The following SYNDIG1 variants were observed in gnomAD, a reference collection of about 807,000 sequenced individuals.
The protein encoded by SYNDIG1 is synapse differentiation inducing 1.
A neutral mutation model predicts 19.4 loss-of-function variants in SYNDIG1; 9 were observed. That is an observed-to-expected ratio of 0.46 (90% confidence interval 0.28 to 0.81). The LOEUF is 0.81. Among genes scored for constraint, SYNDIG1 ranks in the 30% least tolerant of loss-of-function variants. The probability of loss-of-function intolerance (pLI) is 0.12; values close to 1 mark genes in which losing one functional copy is unlikely to be tolerated. For missense variants in SYNDIG1, 311 were observed against 343.3 expected (o/e 0.91, Z 0.74); for synonymous variants, 141 against 145.9 (o/e 0.97, Z 0.24).
At chr20:24,570,135 GTAGCAACACT>G (rs1219089755) in intron 2 of SYNDIG1, among the ~76,000 whole-genome samples, 1 of 152,194 alleles carries the variant, frequency 6.6e-6, no homozygotes. Context: ...GAACAAATGT[GTAGCAACACT>G]GCTCTGAAAA....
At chr20:24,530,672 C>G (rs968334210) in intron 1 of SYNDIG1, among the ~76,000 whole-genome samples, 60 of 152,142 alleles carry the variant, frequency 3.9e-4, no homozygotes. Context: ...ACCTGGTGCC[C>G]TCCTAATGCC....
intron 1 of SYNDIG1, among the ~76,000 whole-genome samples, chr20:24,482,390 T>A (rs77526596): frequency 0.024 from 3,699 of 152,232 alleles, 134 homozygotes; most frequent in African/African-American, 0.084. Context: ...CTTGTAATGA[T>A]GAAAATGCAC....
intron 2 of SYNDIG1, among the ~76,000 whole-genome samples, chr20:24,564,834 G>A (rs6106909): frequency 0.031 from 4,780 of 152,284 alleles, 176 homozygotes; most frequent in African/African-American, 0.09. Context: ...TGAGGAAAGA[G>A]GAAAGCTGCT....
At chr20:24,612,676 G>A (rs1216496636) in intron 3 of SYNDIG1, among the ~76,000 whole-genome samples, 1 of 152,208 alleles carries the variant, frequency 6.6e-6, no homozygotes, top group South Asian at 2.1e-4. Context: ...CTCAGTCCTA[G>A]CATAGAATTA....
At chr20:24,659,593 G>A (rs539670945) in intron 3 of SYNDIG1, among the ~76,000 whole-genome samples, 4 of 152,208 alleles carry the variant, frequency 2.6e-5, no homozygotes, top group Non-Finnish European at 4.4e-5. Flanking sequence ...GCTGTGGCCC[G>A]GAAGATGAAT....
At chr20:24,646,663 C>T (rs1314207607) in intron 3 of SYNDIG1, among the ~76,000 whole-genome samples, 3 of 151,992 alleles carry the variant, frequency 2.0e-5, no homozygotes, top group East Asian at 1.9e-4. Context: ...ACTCTGTCAC[C>T]GAGGCTGGAG....
intron 2 of SYNDIG1, among the ~76,000 whole-genome samples, chr20:24,571,714 T>C (rs2058147560): frequency 6.6e-6 from 1 of 152,224 alleles, no homozygotes; most frequent in Non-Finnish European, 1.5e-5. Context: ...ATAGCTAATG[T>C]CCAATTACCT....
chr20:24,494,611 A>AC (rs539308028), intron 1 of SYNDIG1, among the ~76,000 whole-genome samples: 16 of 151,466 alleles, frequency 1.1e-4, no homozygotes, highest in African/African-American at 2.9e-4. Context: ...CAGGGAACAG[A>AC]CCCCCCCGGG....
intron 1 of SYNDIG1, chr20:24,502,218 C>G (rs2056472454): frequency 6.6e-6 from 1 of 152,460 alleles, no homozygotes; most frequent in Admixed American, 6.5e-5. Flanking sequence ...CAAGTGCACT[C>G]AGATCCTCGT....
chr20:24,597,314 C>T (rs2058610754), intron 3 of SYNDIG1, among the ~76,000 whole-genome samples: 1 of 152,192 alleles, frequency 6.6e-6, no homozygotes, highest in South Asian at 2.1e-4. Flanking sequence ...TGTACTTTCC[C>T]TTGTTCCTGC....
Position 24,543,196 on chromosome 20 carries a change from C to G in SYNDIG1, c.99C>G (p.Ala33=), listed in dbSNP as rs200752294. 1.3e-5 allele frequency: 21 copies of G among 1,613,994 alleles called. No individual in the cohort carries two copies. Among genetic ancestry groups the G allele is most frequent in the Non-Finnish European group, 1.8e-5 (21 of 1,180,002 alleles). Residue 33 remains alanine (A), a synonymous_variant, in exon 2 of 4, where the codon GCC becomes GCG. Transcript: ENST00000376862. ...TAATTAACACCAGAAACTTGATGGC[C>G]GAGAGCAGAGATGGTCTGGTGTCTG... ...NGLINTRNLM[A]ESRDGLVSVY...
At chr20:24,656,899 G>T (rs1412098139) in intron 3 of SYNDIG1, among the ~76,000 whole-genome samples, 2 of 152,192 alleles carry the variant, frequency 1.3e-5, no homozygotes, top group African/African-American at 4.8e-5. Context: ...TGGGTCCTGC[G>T]GACGGATCCC....
chr20:24,630,983 G>A lies in SYNDIG1; in HGVS notation c.619-34363G>A, dbSNP rs147850460. 6.7e-3 allele frequency among the ~76,000 whole-genome samples: 1,023 copies of A among 152,362 alleles called. 8 individuals carry two copies. The highest frequency in any genetic ancestry group is 9.0e-3 in the Non-Finnish European group (611 of 68,038). ...TGGGTCTGAAAGATGAGCTGGCTTGGCTGCTGATGGAAATGAGGGAGAAGA... is the reference window on the plus strand; with the variant it reads ...TGGGTCTGAAAGATGAGCTGGCTTGACTGCTGATGGAAATGAGGGAGAAGA... On this transcript the variant is annotated intron_variant, in intron 3 of 3. Transcript: ENST00000376862.
intron 1 of SYNDIG1, among the ~76,000 whole-genome samples, chr20:24,494,620 G>A (rs1173579527): frequency 6.6e-6 from 1 of 152,208 alleles, no homozygotes; most frequent in Non-Finnish European, 1.5e-5. Flanking sequence ...GACCCCCCCG[G>A]GAGAGGTGCA....
chr20:24,624,475 G>A (rs1018514197), intron 3 of SYNDIG1, among the ~76,000 whole-genome samples: 2 of 152,122 alleles, frequency 1.3e-5, no homozygotes, highest in Non-Finnish European at 2.9e-5. Context: ...ATATGATGAA[G>A]GGTTCGATTA....
chr20:24,498,365 A>G (rs1368881947), intron 1 of SYNDIG1, among the ~76,000 whole-genome samples: 1 of 152,220 alleles, frequency 6.6e-6, no homozygotes, highest in Non-Finnish European at 1.5e-5. Flanking sequence ...TGTATATTAT[A>G]TAGTGTATAT....
intron 3 of SYNDIG1, among the ~76,000 whole-genome samples, chr20:24,626,587 C>T (rs1391310212): frequency 6.6e-6 from 1 of 151,498 alleles, no homozygotes; most frequent in African/African-American, 2.4e-5. Context: ...TCCTCACTTT[C>T]CAGACTGGGC....
Position 24,665,398 on chromosome 20 carries a change from G to A in SYNDIG1, c.671G>A (p.Arg224Gln), listed in dbSNP as rs762805806. Residue 224 changes from arginine to glutamine, a missense_variant, in exon 4 of 4, where the codon CGG becomes CAG. Physicochemically the swap from Arg to Gln is conservative, Grantham distance 43. Transcript: ENST00000376862. ...GDLHQASTSS[R>Q]RALFLAVLSI... The stretch of plus-strand genomic sequence containing the variant: ...TTGCACCAGGCCAGCACCAGCTCCC[G>A]GCGGGCCCTATTCCTGGCAGTGCTG... 31 of 1,612,018 alleles carry A rather than the reference G, an allele frequency of 1.9e-5. No homozygotes were observed. Among genetic ancestry groups the A allele is most frequent in the Non-Finnish European group, 2.2e-5 (26 of 1,179,354 alleles).
intron 3 of SYNDIG1, among the ~76,000 whole-genome samples, chr20:24,632,653 T>G (rs961597980): frequency 1.3e-5 from 2 of 152,228 alleles, no homozygotes; most frequent in Non-Finnish European, 2.9e-5. Context: ...CTTTTCTTGT[T>G]CTTTGTCAAG....
Sources: allele counts gnomAD v4.1 joint callset (sites outside exome capture counted in the v4.1 genomes callset), GRCh38; gene constraint gnomAD v4.1.1; transcripts MANE v1.5; gene names NCBI Gene and HGNC (gene_info 2026-07-23, HGNC 2026-07-21).